ARHGEF3: variants seen among roughly 807,000 people sequenced by gnomAD.
ARHGEF3 encodes 59.8 kDA protein.
In ARHGEF3, 28 loss-of-function variants were observed where a neutral mutation model predicts 63.2. The ratio of observed to expected loss-of-function variants is 0.44; its 90% CI spans 0.33 to 0.61. The LOEUF (loss-of-function observed/expected upper bound fraction) is 0.61, where lower values mean the gene tolerates loss of function less well. Among genes scored for constraint, ARHGEF3 ranks in the 20% least tolerant of loss-of-function variants. The pLI, the probability that ARHGEF3 is intolerant of heterozygous loss-of-function variation, is 0.03. For missense variants in ARHGEF3, 533 were observed against 659.3 expected (o/e 0.81, Z 2.10); for synonymous variants, 266 against 254.2 (o/e 1.05, Z -0.44).
intron 1 of ARHGEF3, among the ~76,000 whole-genome samples, chr3:56,784,811 C>T (rs963151351): frequency 6.6e-6 from 1 of 152,150 alleles, no homozygotes; most frequent in African/African-American, 2.4e-5. Context: ...TATGAGCCAA[C>T]CTGTCTGGTC....
intron 4 of ARHGEF3, among the ~76,000 whole-genome samples, chr3:56,834,135 C>A (rs991718725): frequency 1.3e-5 from 2 of 152,110 alleles, no homozygotes; most frequent in Non-Finnish European, 2.9e-5. Flanking sequence ...GAACTCCTGA[C>A]CTTGTGGTCT....
chr3:57,057,953 A>AG (rs1705016667), intron 1 of ARHGEF3, among the ~76,000 whole-genome samples: 1 of 152,222 alleles, frequency 6.6e-6, no homozygotes, highest in Non-Finnish European at 1.5e-5. Context: ...TTTTGCCACC[A>AG]AGTTAGCAAC....
intron 4 of ARHGEF3, among the ~76,000 whole-genome samples, chr3:56,877,799 G>A (rs1305063386): frequency 2.6e-5 from 4 of 152,080 alleles, no homozygotes; most frequent in South Asian, 2.1e-4. Flanking sequence ...ATCAAACTCC[G>A]CAAAGCAAAG....
At chr3:56,929,657 A>G (rs1209169597) in intron 3 of ARHGEF3, among the ~76,000 whole-genome samples, 3 of 152,164 alleles carry the variant, frequency 2.0e-5, no homozygotes, top group African/African-American at 7.2e-5. Flanking sequence ...TGTATTTCCT[A>G]TGTTTCCATA....
chr3:56,873,944 T>A (rs1445583088), intron 4 of ARHGEF3, among the ~76,000 whole-genome samples: 1 of 152,216 alleles, frequency 6.6e-6, no homozygotes, highest in Admixed American at 6.5e-5. Flanking sequence ...TATGCTGACT[T>A]ACACTTTGTT....
intron 2 of ARHGEF3, among the ~76,000 whole-genome samples, chr3:56,993,356 T>C (rs1452945518): frequency 6.6e-6 from 1 of 151,958 alleles, no homozygotes; most frequent in Non-Finnish European, 1.5e-5. Context: ...TATATAACTT[T>C]GTGGGGGTTT....
intron 1 of ARHGEF3, chr3:57,073,931 T>C: frequency 6.2e-7 from 1 of 1,614,214 alleles, no homozygotes; most frequent in Non-Finnish European, 8.5e-7. Flanking sequence ...TGTGCCAAAG[T>C]GAGACCTGTC....
chr3:56,783,134 C>T (rs2036638976), intron 1 of ARHGEF3, among the ~76,000 whole-genome samples: 1 of 152,062 alleles, frequency 6.6e-6, no homozygotes, highest in African/African-American at 2.4e-5. Context: ...GCCTCTGAAA[C>T]CATGCTCAGA....
At position 56,757,849 on chromosome 3, in the gene ARHGEF3, A is replaced by G. The variant is rs558780192; in HGVS notation, c.205-2698T>C. Among the ~76,000 whole-genome samples the G allele has an allele frequency of 4.0e-3, 600 of 151,760 alleles. 8 individuals are homozygous for G. Among genetic ancestry groups the G allele is most frequent in the Middle Eastern group, 6.8e-3 (2 of 294 alleles). On this transcript the variant is annotated intron_variant, in intron 2 of 9. Coordinates refer to ENST00000296315, the MANE Select transcript of ARHGEF3 (RefSeq NM_019555.3). ...ACCATTCTCCTGCCTCAGCCTCCCA[A>G]GTAGCTGGGACTACAGGCACCTGCC...
intron 4 of ARHGEF3, among the ~76,000 whole-genome samples, chr3:56,824,195 T>C (rs981737005): frequency 6.6e-6 from 1 of 152,070 alleles, no homozygotes; most frequent in Non-Finnish European, 1.5e-5. Flanking sequence ...TTCCAGGAAT[T>C]AAGAAGAGAG....
chr3:56,844,126 G>A (rs562959115), intron 4 of ARHGEF3, among the ~76,000 whole-genome samples: 9 of 152,288 alleles, frequency 5.9e-5, no homozygotes, highest in South Asian at 2.1e-4. Flanking sequence ...TTAAAGCTGC[G>A]TGGCAAAGTT....
chr3:56,845,848 T>C (rs1258029466), intron 4 of ARHGEF3, among the ~76,000 whole-genome samples: 4 of 152,224 alleles, frequency 2.6e-5, no homozygotes, highest in Non-Finnish European at 4.4e-5. Context: ...TAAAGGTGTC[T>C]GGTAGAACAC....
chr3:57,072,938 C>T (rs1052652678), intron 1 of ARHGEF3, among the ~76,000 whole-genome samples: 11 of 150,008 alleles, frequency 7.3e-5, no homozygotes, highest in East Asian at 2.0e-4. Flanking sequence ...CCCAGCTACT[C>T]GGGAGGCTGA....
intron 2 of ARHGEF3, among the ~76,000 whole-genome samples, chr3:56,972,336 C>A (rs1325989789): frequency 6.6e-6 from 1 of 152,058 alleles, no homozygotes; most frequent in Non-Finnish European, 1.5e-5. Flanking sequence ...ATAAATAATT[C>A]CTATAAAGCA....
At chr3:56,731,191 C>A (rs368586700) in intron 9 of ARHGEF3, among the ~76,000 whole-genome samples, 1 of 152,202 alleles carries the variant, frequency 6.6e-6, no homozygotes, top group African/African-American at 2.4e-5. Context: ...CTATGTTAAC[C>A]CAGGAAGCTC....
Position 56,755,038 on chromosome 3 carries a change from C to T in ARHGEF3, c.318G>A (p.Glu106=), listed in dbSNP as rs1451660478. The T allele has an allele frequency of 6.2e-7, 1 of 1,614,158 alleles. No homozygotes were observed. Among genetic ancestry groups the T allele is most frequent in the African/African-American group, 1.3e-5 (1 of 75,036 alleles). The change falls in exon 3 of 10, where the codon GAG becomes GAA. Residue 106 remains glutamate, a synonymous_variant. Coordinates refer to ENST00000296315, the MANE Select transcript of ARHGEF3 (RefSeq NM_019555.3). ...TCTGATTGACGCACACATCGAAGGT[C>T]TCACTCCACAGCTTGCTATCTCTCC... The part of the protein sequence containing the change: ...TKRRDSKLWS[E]TFDVCVNQML...
At chr3:56,889,029 A>C (rs1287670856) in intron 3 of ARHGEF3, among the ~76,000 whole-genome samples, 2 of 152,186 alleles carry the variant, frequency 1.3e-5, no homozygotes, top group African/African-American at 4.8e-5. Context: ...TATTCCTGGA[A>C]GGATCAAGTG....
intron 2 of ARHGEF3, among the ~76,000 whole-genome samples, chr3:57,019,766 T>C (rs1336378291): frequency 6.6e-6 from 1 of 152,116 alleles, no homozygotes; most frequent in Non-Finnish European, 1.5e-5. Context: ...AATAAGGAAT[T>C]GACAAGAAGG....
At chr3:56,946,645 G>A (rs1454879469) in intron 3 of ARHGEF3, among the ~76,000 whole-genome samples, 2 of 152,188 alleles carry the variant, frequency 1.3e-5, no homozygotes, top group African/African-American at 4.8e-5. Flanking sequence ...CCAATTCTAC[G>A]TCTGGTTGGT....
Sources: allele counts gnomAD v4.1 joint callset (sites outside exome capture counted in the v4.1 genomes callset), GRCh38; gene constraint gnomAD v4.1.1; transcripts MANE v1.5; gene names NCBI Gene and HGNC (gene_info 2026-07-23, HGNC 2026-07-21).